Variants in MALT1 observed in about 807,000 individuals in gnomAD.
MALT1 encodes mucosa-associated lymphoid tissue lymphoma translocation protein 1.
In MALT1, 36 loss-of-function variants were observed where a neutral mutation model predicts 85.5. That is an observed-to-expected ratio of 0.42 (90% CI 0.32 to 0.56). The LOEUF is 0.56. Among genes scored for constraint, MALT1 ranks in the 20% least tolerant of loss-of-function variants. The pLI, the probability that MALT1 is intolerant of heterozygous loss-of-function variation, is 0.10. For synonymous variants in MALT1, 359 were observed against 361.3 expected, an observed-to-expected ratio of 0.99 and a Z score of 0.07; for missense variants, 716 against 981.6, an observed-to-expected ratio of 0.73 and a Z score of 3.62.
rs2055446546 is a variant in MALT1, at chr18:58,751,530, G to GTAAT, written c.*3690_*3693dup. 1 of 152,026 alleles carries GTAAT rather than the reference G, an allele frequency of 6.6e-6. No homozygotes were observed. Among genetic ancestry groups the GTAAT allele is most frequent in the Non-Finnish European group, 1.5e-5 (1 of 68,000 alleles). 9.4% of individuals were successfully genotyped at this position (152,026 alleles called of 1,614,324 possible). On this transcript the variant is annotated 3_prime_UTR_variant, in exon 17 of 17. Coordinates refer to ENST00000649217, the MANE Select transcript of MALT1 (RefSeq NM_006785.4). ...TGAATTTTTTAAAAAATCTAAACAT[G>GTAAT]TAATTTTAAAACGGGCTTAAGAAGA... is the stretch of plus-strand genomic sequence containing the variant.
chr18:58,715,643 G>A (rs1233966387), intron 8 of MALT1, among the ~76,000 whole-genome samples: 1 of 152,064 alleles, frequency 6.6e-6, no homozygotes, highest in Admixed American at 6.6e-5. Flanking sequence ...TATATAATGG[G>A]GTTAATAATA....
At chr18:58,718,753 T>C (rs1602318468) in intron 9 of MALT1, among the ~76,000 whole-genome samples, 1 of 152,176 alleles carries the variant, frequency 6.6e-6, no homozygotes, top group East Asian at 1.9e-4. Flanking sequence ...GCTACATGCC[T>C]AGTAGAAATA....
chr18:58,696,684 C>T (rs556396870), intron 3 of MALT1, among the ~76,000 whole-genome samples, 197 bp downstream of exon 3: 5 of 152,132 alleles, frequency 3.3e-5, no homozygotes, highest in African/African-American at 1.2e-4. Context: ...ACATTGTAAA[C>T]AATAATGAAA....
chr18:58,716,834 TAG>T (rs2054907312), intron 9 of MALT1, among the ~76,000 whole-genome samples: 1 of 151,282 alleles, frequency 6.6e-6, no homozygotes, highest in South Asian at 2.1e-4. Context: ...CTGTGTAGAT[TAG>T]AGTGATCCAT....
At chr18:58,746,655 C>T (rs2055370856) in intron 16 of MALT1, among the ~76,000 whole-genome samples, 1 of 152,130 alleles carries the variant, frequency 6.6e-6, no homozygotes, top group East Asian at 1.9e-4. Flanking sequence ...TTATATTTTC[C>T]ACCTACGATT....
chr18:58,705,793 A>G (rs1277014764), intron 4 of MALT1, among the ~76,000 whole-genome samples: 5 of 152,132 alleles, frequency 3.3e-5, no homozygotes, highest in East Asian at 1.9e-4. Flanking sequence ...ATACGTGTGC[A>G]TGTGTCTTCA....
intron 2 of MALT1, among the ~76,000 whole-genome samples, chr18:58,695,463 C>T (rs1489564041): frequency 1.3e-5 from 2 of 152,176 alleles, no homozygotes; most frequent in Non-Finnish European, 2.9e-5. Flanking sequence ...ATGTTTGTGT[C>T]ACAGGTATAT....
intron 9 of MALT1, 61 bp from the exon 10 acceptor site, chr18:58,722,987 C>T: frequency 8.9e-7 from 1 of 1,125,278 alleles, no homozygotes; most frequent in Non-Finnish European, 1.3e-6. Flanking sequence ...ATACCATCTC[C>T]ATAGGTTTTG....
chr18:58,716,200 G>A (rs888895759), intron 9 of MALT1, among the ~76,000 whole-genome samples: 2 of 152,280 alleles, frequency 1.3e-5, no homozygotes, highest in Non-Finnish European at 1.5e-5. Context: ...TGTTTCTCAC[G>A]ATATGCAAAC....
chr18:58,678,533 T>C (rs1209718123), intron 1 of MALT1, among the ~76,000 whole-genome samples: 1 of 152,130 alleles, frequency 6.6e-6, no homozygotes, highest in East Asian at 1.9e-4. Flanking sequence ...TATAATCTAG[T>C]TGGATAAGGC....
chr18:58,698,288 A>G (rs1382305612), intron 3 of MALT1, among the ~76,000 whole-genome samples: 1 of 151,348 alleles, frequency 6.6e-6, no homozygotes, highest in Non-Finnish European at 1.5e-5. Context: ...GGTGGTTTCA[A>G]TCTCCTGATC....
At chr18:58,678,456 CGTGT>C (rs143462636) in intron 1 of MALT1, among the ~76,000 whole-genome samples, 2 of 151,628 alleles carry the variant, frequency 1.3e-5, no homozygotes, top group South Asian at 2.1e-4. Context: ...TTTATGTCTG[CGTGT>C]GTGTGTGTAT....
intron 11 of MALT1, 71 bp from the exon 12 acceptor site, chr18:58,734,236 T>C (rs879044978): frequency 8.3e-7 from 1 of 1,208,228 alleles, no homozygotes; most frequent in South Asian, 1.3e-5. Context: ...TTTCTCATTA[T>C]TTATACCCTT....
intron 2 of MALT1, among the ~76,000 whole-genome samples, chr18:58,694,200 A>C (rs1359402086): frequency 2.0e-5 from 3 of 152,242 alleles, no homozygotes; most frequent in Non-Finnish European, 2.9e-5. Flanking sequence ...GAGAGGCTCT[A>C]CTATATTTAC....
At position 58,734,266 on chromosome 18, in the gene MALT1, T is replaced by G. The variant is rs772826960; in HGVS notation, c.1401-41T>G. The stretch of plus-strand genomic sequence containing the variant: ...ACCCTTTTAAGAATGCTCTTTAACT[T>G]TTCATATTTCTATCTGCCCTCCTCC... On this transcript the variant is annotated intron_variant, in intron 11 of 16. Coordinates refer to ENST00000649217, the MANE Select transcript of MALT1 (RefSeq NM_006785.4). 2.5e-5 allele frequency: 35 copies of G among 1,398,840 alleles called. No homozygotes were observed. The East Asian group carries it at 7.5e-4, about 30-fold the overall frequency. 86.7% of individuals were successfully genotyped at this position (1,398,840 alleles called of 1,614,324 possible). A position where few individuals can be genotyped will look rare whatever the true frequency, so the allele number is the denominator to read the frequency against.
At chr18:58,677,363 G>C (rs945983435) in intron 1 of MALT1, among the ~76,000 whole-genome samples, 1 of 152,118 alleles carries the variant, frequency 6.6e-6, no homozygotes, top group Non-Finnish European at 1.5e-5. Flanking sequence ...GGTTGCATTT[G>C]ATGAGATGGC....
At chr18:58,738,174 T>C (rs1254992982) in intron 13 of MALT1, among the ~76,000 whole-genome samples, 1 of 152,196 alleles carries the variant, frequency 6.6e-6, no homozygotes, top group African/African-American at 2.4e-5. Flanking sequence ...TTACATAGTT[T>C]TATTGAGTTT....
intron 5 of MALT1, 91 bp from the exon 6 acceptor site, chr18:58,709,885 T>G: frequency 1.2e-6 from 1 of 839,174 alleles, no homozygotes. Flanking sequence ...GATGTTATGT[T>G]TTGGAGCGTA....
chr18:58,705,903 G>C (rs1295920587), intron 4 of MALT1, among the ~76,000 whole-genome samples: 1 of 152,078 alleles, frequency 6.6e-6, no homozygotes, highest in Non-Finnish European at 1.5e-5. Flanking sequence ...TCGCCACACT[G>C]ACTTCCACAA....
Sources: allele counts gnomAD v4.1 joint callset (sites outside exome capture counted in the v4.1 genomes callset), GRCh38; gene constraint gnomAD v4.1.1; transcripts MANE v1.5; gene names NCBI Gene and HGNC (gene_info 2026-07-23, HGNC 2026-07-21).